MN1: variants seen among roughly 807,000 people sequenced by gnomAD.
MN1 encodes the protein transcriptional activator MN1.
MN1 carries 19 observed loss-of-function variants against 86.9 expected under a neutral mutation model. The ratio of observed to expected loss-of-function variants is 0.22; its 90% confidence interval spans 0.15 to 0.32. The LOEUF (loss-of-function observed/expected upper bound fraction) is 0.32, where lower values mean the gene tolerates loss of function less well. Among genes scored for constraint, MN1 ranks in the 10% least tolerant of loss-of-function variants. MN1 has a pLI of 1.00. For synonymous variants in MN1, 928 were observed against 849.6 expected, an observed-to-expected ratio of 1.09 and a Z score of -1.60; for missense variants, 1,841 against 1,862.0, an observed-to-expected ratio of 0.99 and a Z score of 0.21.
intron 1 of MN1, among the ~76,000 whole-genome samples, chr22:27,779,753 G>A (rs402048): frequency 0.41 from 62,986 of 152,018 alleles, 13,323 homozygotes; most frequent in East Asian, 0.57. Context: ...GAAAGTGAAC[G>A]CCAGGCCTGG....
In MN1 at chr22:27,797,972, T is replaced by C. The variant is rs767758045; in HGVS notation, c.2572A>G (p.Arg858Gly). 1.9e-6 allele frequency: 3 copies of C among 1,592,342 alleles called. No individual in the cohort carries two copies. In the South Asian group the frequency reaches 3.4e-5, roughly 18 times the overall value. ...TCGGTCTCGTTCTGGCTCAGTTTCC[T>C]CTTGCCCTCTGGCGGGTTCTTCTTG... ...FNKKNPPEGKRKLSQNETDGA... is the reference protein window; with the variant it reads ...FNKKNPPEGKGKLSQNETDGA... Residue 858 changes from arginine to glycine, a missense_variant, in exon 1 of 2, where the codon AGG becomes GGG. Coordinates refer to ENST00000302326, the MANE Select transcript of MN1 (RefSeq NM_002430.3).
chr22:27,800,038 C>G lies in MN1; in HGVS notation c.506G>C (p.Arg169Pro). 1 of 1,602,508 alleles carries G rather than the reference C, an allele frequency of 6.2e-7. No homozygotes were observed. The highest frequency in any genetic ancestry group is 1.3e-5 in the African/African-American group (1 of 75,020). Residue 169 changes from arginine (R) to proline (P), a missense_variant, in exon 1 of 2, where the codon CGA becomes CCA. By Grantham distance (103) the Arg-to-Pro change is moderately radical. Coordinates refer to ENST00000302326, the MANE Select transcript of MN1 (RefSeq NM_002430.3). ...GTGGAAGTCCGGGAGGTTCCCCGGT[C>G]GCTGCGGGCCGAAGCTCTCAGGCCC... ...SQGPESFGPQ[R>P]PGNLPDFHSS...
In MN1 at chr22:27,800,465, C is replaced by T. The variant is rs1933413665; in HGVS notation, c.79G>A (p.Gly27Arg). The change falls in exon 1 of 2, where the codon GGA becomes AGA. Residue 27 changes from glycine to arginine, a missense_variant. Physicochemically the swap from Gly to Arg is moderately radical, Grantham distance 125. Coordinates refer to ENST00000302326, the MANE Select transcript of MN1 (RefSeq NM_002430.3). ...TTAAAGTGGGTGTTCATGCTCAGTC[C>T]GGTCTCGTTAAAGTTCCTCTCGCCC... Reference protein sequence around the residue: ...GQGERNFNETGLSMNTHFKAP... With the variant: ...GQGERNFNETRLSMNTHFKAP... 1.9e-5 allele frequency: 31 copies of T among 1,614,194 alleles called. No individual in the cohort carries two copies. The highest frequency in any genetic ancestry group is 2.5e-5 in the Non-Finnish European group (30 of 1,180,028).
intron 1 of MN1, among the ~76,000 whole-genome samples, chr22:27,788,225 C>A (rs553304372): frequency 6.6e-6 from 1 of 152,178 alleles, no homozygotes; most frequent in Admixed American, 6.5e-5. Flanking sequence ...GAAAATACGC[C>A]GCACCCCAAT....
intron 1 of MN1, among the ~76,000 whole-genome samples, chr22:27,754,755 C>T (rs1032973603): frequency 6.6e-6 from 1 of 152,130 alleles, no homozygotes; most frequent in African/African-American, 2.4e-5. Flanking sequence ...CTCCTTGAGG[C>T]GGTAAGCACG....
rs1162296267 is a variant in MN1, at chr22:27,748,294, TTTA to T, written c.*2618_*2620del. 2 of 173,456 alleles carry T rather than the reference TTTA, an allele frequency of 1.2e-5. No homozygotes were observed. The highest frequency in any genetic ancestry group is 2.5e-5 in the Non-Finnish European group (2 of 79,938). 10.7% of individuals were successfully genotyped at this position (173,456 alleles called of 1,614,324 possible). ...TACCACAGTCACCATTAACGTCATA[TTTA>T]TTGTTATTTAACTGCTCAGGAAAAC... is the stretch of plus-strand genomic sequence containing the variant. On this transcript the variant is annotated 3_prime_UTR_variant, in exon 2 of 2. Transcript: ENST00000302326.
In MN1 at chr22:27,799,452, T is replaced by TGGC. The variant is rs1030338276; in HGVS notation, c.1089_1091dup (p.Pro365dup). 27 of 1,452,842 alleles carry TGGC rather than the reference T, an allele frequency of 1.9e-5. No homozygotes were observed. Among genetic ancestry groups the TGGC allele is most frequent in the Non-Finnish European group, 2.3e-5 (25 of 1,105,450 alleles). The allele number at this position is 1,452,842 out of a possible 1,614,324, so 90.0% of individuals were successfully genotyped here. ...AATTTTGTCGGACTAGAAGCCCGGG[T>TGGC]GGCGGCGGCGGCTGCTGCTGTGGCG... On this transcript the variant is annotated inframe_insertion, in exon 1 of 2. Coordinates refer to ENST00000302326, the MANE Select transcript of MN1 (RefSeq NM_002430.3).
At chr22:27,790,716 A>C (rs557372363) in intron 1 of MN1, among the ~76,000 whole-genome samples, 233 of 151,816 alleles carry the variant, frequency 1.5e-3, no homozygotes, top group Non-Finnish European at 2.5e-3. Flanking sequence ...GGGAGGGGGC[A>C]CTGATTCAAA....
Position 27,798,570 on chromosome 22 carries a change from C to T in MN1, c.1974G>A (p.Pro658=), listed in dbSNP as rs752513997. The T allele has an allele frequency of 2.9e-5, 45 of 1,534,490 alleles. No individual in the cohort carries two copies. Among genetic ancestry groups the T allele is most frequent in the African/African-American group, 1.1e-4 (8 of 72,390 alleles). ...GGSGLPADCG[P]HDPSLAPPPP... ...GAGGGGGCGCCAGGCTGGGGTCGTGCGGGCCACAGTCAGCGGGCAGACCCG... is the reference window on the plus strand; with the variant it reads ...GAGGGGGCGCCAGGCTGGGGTCGTGTGGGCCACAGTCAGCGGGCAGACCCG... Residue 658 remains proline (P), a synonymous_variant, in exon 1 of 2, where the codon CCG becomes CCA. Transcript: ENST00000302326.
chr22:27,770,768 C>G (rs1932907606), intron 1 of MN1, among the ~76,000 whole-genome samples: 1 of 150,926 alleles, frequency 6.6e-6, no homozygotes, highest in Admixed American at 6.6e-5. Flanking sequence ...AAGCAATCCC[C>G]CACCTCAACC....
At chr22:27,796,400 T>C (rs1370220347) in intron 1 of MN1, among the ~76,000 whole-genome samples, 1 of 150,070 alleles carries the variant, frequency 6.7e-6, no homozygotes, top group Non-Finnish European at 1.5e-5. Context: ...AGCCTCAATG[T>C]TGAGGGTGGG....
chr22:27,775,318 C>G (rs865897988), intron 1 of MN1, among the ~76,000 whole-genome samples: 5 of 152,164 alleles, frequency 3.3e-5, no homozygotes, highest in African/African-American at 1.2e-4. Flanking sequence ...CTTCTCTGAC[C>G]AGACTCCAGA....
At position 27,749,415 on chromosome 22, in the gene MN1, G is replaced by A. The variant is rs1932738749; in HGVS notation, c.*1500C>T. 2 of 231,570 alleles carry A rather than the reference G, an allele frequency of 8.6e-6. No individual in the cohort carries two copies. Among genetic ancestry groups the A allele is most frequent in the Middle Eastern group, 1.3e-3 (1 of 800 alleles). The allele number at this position is 231,570 out of a possible 1,614,324, so 14.3% of individuals were successfully genotyped here. On this transcript the variant is annotated 3_prime_UTR_variant, in exon 2 of 2. Transcript: ENST00000302326. The stretch of plus-strand genomic sequence containing the variant: ...TGAAATTAAATAGATAACCATCACG[G>A]TTATATATTTGGGTGAAGTGATATC...
At position 27,797,100 on chromosome 22, in the gene MN1, G is replaced by C; in HGVS notation, c.3444C>G (p.Asp1148Glu). 6.2e-7 allele frequency: 1 copy of C among 1,603,368 alleles called. No homozygotes were observed. Among genetic ancestry groups the C allele is most frequent in the Non-Finnish European group, 8.5e-7 (1 of 1,175,916 alleles). The change falls in exon 1 of 2, where the codon GAC becomes GAG. Residue 1148 changes from aspartate (D) to glutamate (E), a missense_variant. Coordinates refer to ENST00000302326, the MANE Select transcript of MN1 (RefSeq NM_002430.3). ...GAAGGATCTCCAGGGGGTGGATCTC[G>C]TCGGGTGGCGGGGCGCCGCTGCTGC... The part of the protein sequence containing the change: ...PTSSSGAPPP[D>E]EIHPLEILQA...
chr22:27,753,679 G>A (rs1932783770), intron 1 of MN1, among the ~76,000 whole-genome samples: 1 of 152,200 alleles, frequency 6.6e-6, no homozygotes. Flanking sequence ...GGTGAAATCT[G>A]GATGTTGTTA....
At chr22:27,752,074 G>A (rs1277811848) in intron 1 of MN1, among the ~76,000 whole-genome samples, 1 of 152,104 alleles carries the variant, frequency 6.6e-6, no homozygotes, top group Non-Finnish European at 1.5e-5. Context: ...TTTTACAGAT[G>A]AGAAGTCTGA....
intron 1 of MN1, among the ~76,000 whole-genome samples, chr22:27,773,072 C>T (rs45463593): frequency 2.0e-5 from 3 of 151,798 alleles, no homozygotes; most frequent in Non-Finnish European, 4.4e-5. Flanking sequence ...CCGAACAGGC[C>T]GGGAAGCCCA....
Position 27,798,912 on chromosome 22 carries a change from T to TTGCTGTTGCTGCTGCTGCTGC in MN1, c.1631_1632insGCAGCAGCAGCAGCAACAGCA (p.Gln544_Gln550dup). ...TTTGGCGCTGCTGCTGCTGCTGCTGTTGCTGTTGCTGTTGCTGCTGCTGCT... is the reference window on the plus strand; with the variant it reads ...TTTGGCGCTGCTGCTGCTGCTGCTGTTGCTGTTGCTGCTGCTGCTGCTGCTGTTGCTGTTGCTGCTGCTGCT... On this transcript the variant is annotated inframe_insertion, in exon 1 of 2. Coordinates refer to ENST00000302326, the MANE Select transcript of MN1 (RefSeq NM_002430.3). 6.9e-7 allele frequency: 1 copy of TTGCTGTTGCTGCTGCTGCTGC among 1,450,914 alleles called. No individual in the cohort carries two copies. Among genetic ancestry groups the TTGCTGTTGCTGCTGCTGCTGC allele is most frequent in the Non-Finnish European group, 9.3e-7 (1 of 1,074,168 alleles). The allele number at this position is 1,450,914 out of a possible 1,614,324, so 89.9% of individuals were successfully genotyped here. A position where few individuals can be genotyped will look rare whatever the true frequency, so the allele number is the denominator to read the frequency against.
intron 1 of MN1, among the ~76,000 whole-genome samples, chr22:27,796,124 C>G (rs1054732659): frequency 1.3e-5 from 2 of 152,274 alleles, no homozygotes; most frequent in African/African-American, 4.8e-5. Flanking sequence ...CTCCTGCAAC[C>G]CCCACAGGTC....
Sources: gnomAD v4.1 joint callset for allele counts (sites outside exome capture counted in the v4.1 genomes callset) on GRCh38, gnomAD v4.1.1 for gene constraint, MANE v1.5 for transcripts, NCBI Gene and HGNC (gene_info 2026-07-23, HGNC 2026-07-21) for gene names.